Variants in CSAG1 observed in about 807,000 individuals in gnomAD.
The protein encoded by CSAG1 is chondrosarcoma associated gene 1, also known as chondrosarcoma-associated gene 1 protein.
Under a neutral mutation model 4.8 loss-of-function variants are expected in CSAG1, and 4 were observed. The ratio of observed to expected loss-of-function variants is 0.83; its 90% CI spans 0.41 to 1.90. The LOEUF (loss-of-function observed/expected upper bound fraction) is 1.90. CSAG1 is among the 40% of genes most tolerant of loss of function. CSAG1 has a pLI of 0.03. For synonymous variants in CSAG1, 21 were observed against 23.1 expected, an observed-to-expected ratio of 0.91 and a Z score of 0.26; for missense variants, 69 against 59.5, an observed-to-expected ratio of 1.16 and a Z score of -0.53.
At chrX:152,728,802 C>T (rs1602867070) in intron 2 of CSAG1, among the ~76,000 whole-genome samples, 1 of 110,094 alleles carries the variant, frequency 9.1e-6, no homozygotes. Flanking sequence ...TGTGCATGTG[C>T]AGAGAGCGCG....
At position 152,727,589 on chromosome X, in the gene CSAG1, T is replaced by C; in HGVS notation, c.*205A>G. On this transcript the variant is annotated 3_prime_UTR_variant, in exon 4 of 4. Transcript: ENST00000452779. The stretch of plus-strand genomic sequence containing the variant: ...GGCTATTTATCTGGGGTTAGACTTC[T>C]GGAGACTTTTCAGATAGACTTGAAG... 1 of 497,233 alleles carries C rather than the reference T, an allele frequency of 2.0e-6. No individual in the cohort carries two copies. Among genetic ancestry groups the C allele is most frequent in the South Asian group, 3.1e-5 (1 of 32,088 alleles). The allele number at this position is 497,233 out of a possible 1,213,427, so 41.0% of individuals were successfully genotyped here.
chrX:152,729,844 A>T (rs1932117375), intron 2 of CSAG1, among the ~76,000 whole-genome samples: 1 of 110,192 alleles, frequency 9.1e-6, no homozygotes, highest in Non-Finnish European at 1.9e-5. Flanking sequence ...GACTTAGCGT[A>T]AGATTCAGCA....
intron 1 of CSAG1, among the ~76,000 whole-genome samples, chrX:152,732,731 A>T (rs1489741960): frequency 1.8e-5 from 2 of 112,049 alleles, no homozygotes; most frequent in African/African-American, 6.5e-5. Context: ...AAGTTTTAAA[A>T]TTTCCACTTC....
At chrX:152,733,128 C>A (rs1347522632) in intron 1 of CSAG1, 2 of 111,949 alleles carry the variant, frequency 1.8e-5, no homozygotes, top group African/African-American at 6.5e-5. Context: ...GAGGAGCTCC[C>A]GTGGGAAAGT....
rs1932051358 is a variant in CSAG1 at position 152,727,873 on chromosome X, C to G, written c.168-10G>C. The G allele has an allele frequency of 1.7e-6, 2 of 1,205,808 alleles. No homozygotes were observed. The highest frequency in any genetic ancestry group is 3.5e-5 in the African/African-American group (2 of 56,566). Reference sequence around the variant, plus strand: ...GGGTTGTCTTGGGAACCTGGAAAGCCAACAGGGAGATCACAGGAGGGCACT... The same window carrying G: ...GGGTTGTCTTGGGAACCTGGAAAGCGAACAGGGAGATCACAGGAGGGCACT... On this transcript the variant is annotated splice_polypyrimidine_tract_variant and intron_variant, in intron 3 of 3. Coordinates refer to ENST00000452779, the MANE Select transcript of CSAG1 (RefSeq NM_001102576.3).
intron 2 of CSAG1, among the ~76,000 whole-genome samples, chrX:152,728,878 A>G (rs1396581295): frequency 2.6e-4 from 29 of 111,414 alleles, no homozygotes; most frequent in Non-Finnish European, 5.3e-4. Flanking sequence ...CCTTCTTATA[A>G]CCACACTAAT....
intron 2 of CSAG1, among the ~76,000 whole-genome samples, chrX:152,731,603 C>G (rs1216095216): frequency 9.0e-6 from 1 of 111,335 alleles, no homozygotes; most frequent in Non-Finnish European, 1.9e-5. Flanking sequence ...CATCCCTCCC[C>G]GATGGAAAAA....
At chrX:152,729,789 C>T (rs1932116094) in intron 2 of CSAG1, among the ~76,000 whole-genome samples, 1 of 110,139 alleles carries the variant, frequency 9.1e-6, no homozygotes, top group East Asian at 2.8e-4. Flanking sequence ...CATGGCACAG[C>T]CACTTTGGAA....
In CSAG1 at chrX:152,728,283, A is replaced by G. The variant is rs1932067953; in HGVS notation, c.17-59T>C. 3.5e-6 allele frequency: 4 copies of G among 1,132,412 alleles called. No individual in the cohort carries two copies. In the African/African-American group the frequency reaches 5.3e-5, roughly 15 times the overall value. 93.3% of individuals were successfully genotyped at this position (1,132,412 alleles called of 1,213,427 possible). On this transcript the variant is annotated intron_variant, in intron 2 of 3. Transcript: ENST00000452779. ...TGTGGTAGAATTCCTTTTCCAAGAA[A>G]CCTTGGTCTTTTAACACCTTCAACT...
At chrX:152,727,936 G>A (rs2124962618) in intron 3 of CSAG1, 73 bp from the exon 4 acceptor site, 1 of 1,193,050 alleles carries the variant, frequency 8.4e-7, no homozygotes, top group African/African-American at 1.8e-5. Context: ...TGAGAACAGG[G>A]GTTTCATAGA....
rs1556830443 is a variant in CSAG1, at chrX:152,727,602, G to C, written c.*192C>G. On this transcript the variant is annotated 3_prime_UTR_variant, in exon 4 of 4. Coordinates refer to ENST00000452779, the MANE Select transcript of CSAG1 (RefSeq NM_001102576.3). ...GGGTTAGACTTCTGGAGACTTTTCA[G>C]ATAGACTTGAAGTCTCTGGCCTTGC... The C allele has an allele frequency of 4.6e-5, 24 of 522,808 alleles. No individual in the cohort carries two copies. Among genetic ancestry groups the C allele is most frequent in the Non-Finnish European group, 7.1e-5 (22 of 307,950 alleles). 43.1% of individuals were successfully genotyped at this position (522,808 alleles called of 1,213,427 possible).
At chrX:152,729,662 C>T (rs1319411206) in intron 2 of CSAG1, among the ~76,000 whole-genome samples, 5 of 111,294 alleles carry the variant, frequency 4.5e-5, no homozygotes, top group African/African-American at 1.3e-4. Context: ...CCACTACACA[C>T]CTATTAGTAT....
intron 1 of CSAG1, chrX:152,733,152 C>A (rs1450505126): frequency 1.8e-5 from 2 of 112,078 alleles, no homozygotes; most frequent in African/African-American, 6.5e-5. Flanking sequence ...TGTCTTCTTC[C>A]AGAGGTCAAT....
rs1556830521 is a variant in CSAG1, at chrX:152,727,741, C to T, written c.*53G>A. 115 of 1,179,385 alleles carry T rather than the reference C, an allele frequency of 9.8e-5. No individual in the cohort carries two copies. In the South Asian group the frequency reaches 1.9e-3, roughly 19 times the overall value. On this transcript the variant is annotated 3_prime_UTR_variant, in exon 4 of 4. Coordinates refer to ENST00000452779, the MANE Select transcript of CSAG1 (RefSeq NM_001102576.3). Reference sequence around the variant, plus strand: ...TTCCTCGTTCGGCTGGTCAGAGTGGCTGGATAGTGTTGGCCCACTCCATTC... The same window carrying T: ...TTCCTCGTTCGGCTGGTCAGAGTGGTTGGATAGTGTTGGCCCACTCCATTC...
intron 1 of CSAG1, chrX:152,732,956 T>C (rs1453114812): frequency 5.7e-5 from 7 of 122,505 alleles, no homozygotes; most frequent in Admixed American, 4.9e-4. Context: ...ATTAGGATAG[T>C]AAGAGTGAAC....
intron 2 of CSAG1, among the ~76,000 whole-genome samples, chrX:152,730,746 C>T (rs1306586486): frequency 1.8e-5 from 2 of 112,062 alleles, no homozygotes; most frequent in African/African-American, 6.5e-5. Flanking sequence ...CTTTACAGCA[C>T]AAAGAGTGAA....
At position 152,732,521 on chromosome X, in the gene CSAG1, T is replaced by C. The variant is rs1932181097; in HGVS notation, c.-44-17A>G. The stretch of plus-strand genomic sequence containing the variant: ...AAATCAACCCTGTAAATTTATAGAA[T>C]GGAAACAGAAAGTAAAAAACCAGTA... On this transcript the variant is annotated splice_polypyrimidine_tract_variant and intron_variant, in intron 1 of 3. Transcript: ENST00000452779. The C allele has an allele frequency of 8.3e-7, 1 of 1,206,417 alleles. No homozygotes were observed. The highest frequency in any genetic ancestry group is 2.2e-5 in the Admixed American group (1 of 45,582).
At chrX:152,728,574 A>G (rs1932076954) in intron 2 of CSAG1, among the ~76,000 whole-genome samples, 1 of 112,437 alleles carries the variant, frequency 8.9e-6, no homozygotes, top group Non-Finnish European at 1.9e-5. Flanking sequence ...GGAAACAAAA[A>G]AAAATTGTGT....
chrX:152,727,830 G>T lies in CSAG1; in HGVS notation c.201C>A (p.Pro67=). 8.3e-7 allele frequency: 1 copy of T among 1,211,139 alleles called. No homozygotes were observed. The highest frequency in any genetic ancestry group is 2.3e-4 in the Middle Eastern group (1 of 4,347). ...FPRQPRREKG[P]VKEVPGTKGS... ...CTTTTGTTCCTGGAACTTCCTTGAC[G>T]GGTCCCTTTTCCCTTCTGGGTTGTC... is the stretch of plus-strand genomic sequence containing the variant. Residue 67 remains proline, a synonymous_variant, in exon 4 of 4, where the codon CCC becomes CCA. Transcript: ENST00000452779.
Sources: gnomAD v4.1 joint callset for allele counts (sites outside exome capture counted in the v4.1 genomes callset) on GRCh38, gnomAD v4.1.1 for gene constraint, MANE v1.5 for transcripts, NCBI Gene and HGNC (gene_info 2026-07-23, HGNC 2026-07-21) for gene names.